Variants in TAF5L observed in about 807,000 individuals in gnomAD.
TAF5L encodes TATA-box binding protein associated factor 5 like.
TAF5L carries 7 observed loss-of-function variants against 51.3 expected under a neutral mutation model. That is an observed-to-expected ratio of 0.14 (90% CI 0.08 to 0.26). The LOEUF (loss-of-function observed/expected upper bound fraction) is 0.26. TAF5L is among the 10% of genes least tolerant of loss of function. The probability of loss-of-function intolerance (pLI) is 1.00; values close to 1 mark genes in which losing one functional copy is unlikely to be tolerated. For missense variants in TAF5L, 575 were observed against 758.9 expected (o/e 0.76, Z 2.85); for synonymous variants, 291 against 308.1 (o/e 0.94, Z 0.58).
chr1:229,620,839 A>G (rs1571855373), intron 1 of TAF5L, among the ~76,000 whole-genome samples: 2 of 152,224 alleles, frequency 1.3e-5, no homozygotes, highest in East Asian at 3.8e-4. Context: ...GCAGACAGAA[A>G]TAGGATGTCC....
intron 3 of TAF5L, among the ~76,000 whole-genome samples, chr1:229,608,138 A>G (rs898879114): frequency 6.6e-6 from 1 of 152,242 alleles, no homozygotes; most frequent in Non-Finnish European, 1.5e-5. Context: ...TTACACACGC[A>G]TAGAATTATC....
intron 1 of TAF5L, among the ~76,000 whole-genome samples, chr1:229,620,955 T>C (rs1665176923): frequency 9.2e-6 from 1 of 109,218 alleles, no homozygotes; most frequent in Non-Finnish European, 1.9e-5. Flanking sequence ...TTAAAACATT[T>C]ATGTGTGTGT....
intron 3 of TAF5L, among the ~76,000 whole-genome samples, chr1:229,605,061 T>C (rs375984964): frequency 9.2e-5 from 14 of 151,950 alleles, no homozygotes; most frequent in East Asian, 5.8e-4. Context: ...CCTCAGCCTA[T>C]TGAGTAGCTA....
chr1:229,610,247 CAGAG>C (rs1349565644), intron 2 of TAF5L, 37 bp from the exon 3 acceptor site: 41 of 1,596,742 alleles, frequency 2.6e-5, no homozygotes, highest in Non-Finnish European at 3.3e-5. Context: ...GGGCGGGAAA[CAGAG>C]AGACGATTAT....
chr1:229,616,915 G>A (rs775704204), intron 1 of TAF5L, among the ~76,000 whole-genome samples: 12 of 152,192 alleles, frequency 7.9e-5, no homozygotes, highest in South Asian at 6.2e-4. Flanking sequence ...GGTACTAGGT[G>A]TGTGATTGTT....
At chr1:229,603,776 AAC>A (rs1431874137) in intron 3 of TAF5L, among the ~76,000 whole-genome samples, 2 of 152,246 alleles carry the variant, frequency 1.3e-5, no homozygotes, top group African/African-American at 4.8e-5. Context: ...ATGAGAAAAG[AAC>A]AGAGGTATAA....
At chr1:229,596,143 G>C (rs1341727387) in intron 4 of TAF5L, among the ~76,000 whole-genome samples, 1 of 152,094 alleles carries the variant, frequency 6.6e-6, no homozygotes. Flanking sequence ...GCATGGTGGC[G>C]CATGCCTGTG....
chr1:229,607,290 T>C, intron 3 of TAF5L: 1 of 985,180 alleles, frequency 1.0e-6, no homozygotes, highest in Non-Finnish European at 1.2e-6. Context: ...TTCTGGTCCT[T>C]TCTCACCTCA....
At chr1:229,599,156 T>C in intron 4 of TAF5L, 1 of 665,152 alleles carries the variant, frequency 1.5e-6, no homozygotes. Flanking sequence ...TTAACCTAGA[T>C]GATCTTTAAG....
At chr1:229,595,185 T>G in intron 4 of TAF5L, 91 bp from the exon 5 acceptor site, 1 of 1,357,142 alleles carries the variant, frequency 7.4e-7, no homozygotes, top group Non-Finnish European at 1.0e-6. Context: ...GAAAAAAAAG[T>G]AGAGAACTGA....
chr1:229,606,822 A>G, intron 3 of TAF5L: 2 of 985,468 alleles, frequency 2.0e-6, no homozygotes, highest in Non-Finnish European at 2.4e-6. Context: ...CACCTCCTGA[A>G]GAATAGGACC....
Position 229,602,120 on chromosome 1 carries a change from T to C in TAF5L, c.972+75A>G. 1 of 1,548,926 alleles carries C rather than the reference T, an allele frequency of 6.5e-7. No individual in the cohort carries two copies. The highest frequency in any genetic ancestry group is 8.7e-7 in the Non-Finnish European group (1 of 1,148,370). On this transcript the variant is annotated intron_variant, in intron 4 of 4. Coordinates refer to ENST00000258281, the Ensembl canonical transcript of TAF5L. The surrounding 1 kb of genome is among the most constrained non-coding windows in gnomAD (Gnocchi z 4.6). ...GGAAACTAGGAAGTCCATTCTAAGA[T>C]ATGTCGTGTTTGGTAAGGACATTCT... is the stretch of plus-strand genomic sequence containing the variant.
At chr1:229,606,597 A>C (rs1664604032) in intron 3 of TAF5L, 1 of 985,264 alleles carries the variant, frequency 1.0e-6, no homozygotes, top group Non-Finnish European at 1.2e-6. Context: ...CTTTATTCTG[A>C]AAGCCCACAC....
chr1:229,601,487 A>G, intron 4 of TAF5L: 2 of 985,382 alleles, frequency 2.0e-6, no homozygotes, highest in Non-Finnish European at 2.4e-6. Flanking sequence ...TAAGGTAGTG[A>G]TTTTTGGTGA....
rs1228720885 is a variant in TAF5L at position 229,625,813 on chromosome 1, C to T, written c.-4+72G>A. The stretch of plus-strand genomic sequence containing the variant: ...CCCCGCCGAGGCCCCACCGCCCCGG[C>T]CCCCGCCCGCCCGCGCGCGCGCGCG... On this transcript the variant is annotated intron_variant, in intron 1 of 4. Coordinates refer to ENST00000258281, the Ensembl canonical transcript of TAF5L. This position sits in a 1 kb window ranked among gnomAD's most constrained non-coding sequence, Gnocchi z 4.0. 3.0e-5 allele frequency: 4 copies of T among 132,744 alleles called. No homozygotes were observed. Among genetic ancestry groups the T allele is most frequent in the African/African-American group, 1.1e-4 (4 of 36,682 alleles). 8.2% of individuals were successfully genotyped at this position (132,744 alleles called of 1,614,324 possible).
At chr1:229,615,996 G>C (rs1664986833) in intron 1 of TAF5L, among the ~76,000 whole-genome samples, 1 of 151,972 alleles carries the variant, frequency 6.6e-6, no homozygotes, top group South Asian at 2.1e-4. Flanking sequence ...TTTCCTTTGA[G>C]AGTTCTACCA....
intron 1 of TAF5L, among the ~76,000 whole-genome samples, chr1:229,618,238 AT>A (rs1665077461): frequency 6.6e-6 from 1 of 152,224 alleles, no homozygotes; most frequent in South Asian, 2.1e-4. Flanking sequence ...TAATTATAAA[AT>A]CTTTCAAACT....
intron 3 of TAF5L, chr1:229,606,475 A>G (rs1664599973): frequency 1.0e-6 from 1 of 985,414 alleles, no homozygotes; most frequent in South Asian, 4.7e-5. Context: ...TCATGAGTTC[A>G]TGGAAATTAG....
chr1:229,625,411 C>T lies in TAF5L; in HGVS notation c.-4+474G>A, dbSNP rs1437567658. ...TCACACGCGGAGATCGACTCCACAC[C>T]CACCCACGCACGATCACCATGTGCA... On this transcript the variant is annotated intron_variant, in intron 1 of 4. Coordinates refer to ENST00000258281, the Ensembl canonical transcript of TAF5L. This position sits in a 1 kb window ranked among gnomAD's most constrained non-coding sequence, Gnocchi z 4.0. Among the ~76,000 whole-genome samples, 1 of 152,144 alleles carries T rather than the reference C, an allele frequency of 6.6e-6. No individual in the cohort carries two copies. The highest frequency in any genetic ancestry group is 1.9e-4 in the East Asian group (1 of 5,158).
Sources: gnomAD v4.1 joint callset for allele counts (sites outside exome capture counted in the v4.1 genomes callset) on GRCh38, gnomAD v4.1.1 for gene constraint, Gnocchi (gnomAD v3.1) non-coding constraint, MANE v1.5 for transcripts, NCBI Gene and HGNC (gene_info 2026-07-23, HGNC 2026-07-21) for gene names.